Variants in VDR observed in about 807,000 individuals in gnomAD.
VDR encodes vitamin D receptor.
In VDR, 19 loss-of-function variants were observed where a neutral mutation model predicts 39.7. That is an observed-to-expected ratio of 0.48 (90% CI 0.33 to 0.70). The LOEUF (loss-of-function observed/expected upper bound fraction) is 0.70, where lower values mean the gene tolerates loss of function less well. VDR is among the 30% of genes least tolerant of loss of function. The probability of loss-of-function intolerance (pLI) is 0.02; values close to 1 mark genes in which losing one functional copy is unlikely to be tolerated. For missense variants in VDR, 442 were observed against 570.5 expected (o/e 0.77, Z 2.29); for synonymous variants, 242 against 215.8 (o/e 1.12, Z -1.07).
At chr12:47,872,396 G>A (rs1170553663) in intron 3 of VDR, among the ~76,000 whole-genome samples, 1 of 152,230 alleles carries the variant, frequency 6.6e-6, no homozygotes, top group Non-Finnish European at 1.5e-5. Context: ...GTGGGTGAAA[G>A]TAGATTTTAA....
chr12:47,883,653 T>G (rs1419990230), intron 1 of VDR, among the ~76,000 whole-genome samples: 1 of 152,050 alleles, frequency 6.6e-6, no homozygotes, highest in Non-Finnish European at 1.5e-5. Flanking sequence ...AAACACACAC[T>G]TCTTTCCTTC....
At chr12:47,866,483 C>T (rs1945739767) in intron 3 of VDR, among the ~76,000 whole-genome samples, 1 of 152,230 alleles carries the variant, frequency 6.6e-6, no homozygotes, top group Non-Finnish European at 1.5e-5. Context: ...ATGCTAGTCT[C>T]AGCATGAAGT....
At chr12:47,863,882 A>AT (rs1188123283) in intron 4 of VDR, among the ~76,000 whole-genome samples, 1 of 152,014 alleles carries the variant, frequency 6.6e-6, no homozygotes, top group Non-Finnish European at 1.5e-5. Flanking sequence ...ACAACAGATA[A>AT]TTTTTTTCCC....
intron 4 of VDR, among the ~76,000 whole-genome samples, chr12:47,864,753 G>T (rs1028309062): frequency 1.3e-5 from 2 of 152,236 alleles, no homozygotes; most frequent in Non-Finnish European, 2.9e-5. Context: ...GACTCTTGAA[G>T]GCAGTGTCCG....
chr12:47,870,461 C>T (rs574609312), intron 3 of VDR, among the ~76,000 whole-genome samples: 1 of 152,282 alleles, frequency 6.6e-6, no homozygotes, highest in Admixed American at 6.5e-5. Flanking sequence ...GGCATTTATA[C>T]CCCAGCTCAG....
At chr12:47,848,956 G>A (rs190671063) in intron 7 of VDR, among the ~76,000 whole-genome samples, 2 of 152,256 alleles carry the variant, frequency 1.3e-5, no homozygotes, top group South Asian at 2.1e-4. Flanking sequence ...CCATTGAGCC[G>A]TCAGCACAAG....
chr12:47,862,786 C>T (rs1053304804), intron 4 of VDR, among the ~76,000 whole-genome samples: 15 of 152,214 alleles, frequency 9.9e-5, no homozygotes, highest in Admixed American at 6.5e-5. Context: ...GTTCTGAGGC[C>T]GGGGGACTTC....
chr12:47,887,322 CAAAAAAA>C (rs10686139), intron 1 of VDR, among the ~76,000 whole-genome samples: 2 of 72,100 alleles, frequency 2.8e-5, no homozygotes, highest in Non-Finnish European at 5.1e-5. Flanking sequence ...AACTCCGTCT[CAAAAAAA>C]AAAAAAAAAA....
At chr12:47,904,055 C>T (rs1193504036) in intron 1 of VDR, among the ~76,000 whole-genome samples, 2 of 151,900 alleles carry the variant, frequency 1.3e-5, no homozygotes, top group Admixed American at 6.6e-5. Flanking sequence ...TGAGCCCAGA[C>T]AGGAGGCTGA....
chr12:47,850,777 C>A (rs1945369722), intron 7 of VDR, among the ~76,000 whole-genome samples: 3 of 152,126 alleles, frequency 2.0e-5, no homozygotes, highest in Non-Finnish European at 2.9e-5. Flanking sequence ...TGTCTTCACG[C>A]CTGCAGCCGC....
chr12:47,875,765 A>C (rs558596189), intron 3 of VDR, among the ~76,000 whole-genome samples: 1 of 152,320 alleles, frequency 6.6e-6, no homozygotes, highest in African/African-American at 2.4e-5. Flanking sequence ...TCTGGTCACA[A>C]AATTTTCATC....
intron 7 of VDR, among the ~76,000 whole-genome samples, chr12:47,852,298 G>A (rs1218656466): frequency 6.6e-6 from 1 of 152,154 alleles, no homozygotes; most frequent in African/African-American, 2.4e-5. Flanking sequence ...TGCCTGACAT[G>A]AGGATGGAAG....
intron 3 of VDR, among the ~76,000 whole-genome samples, chr12:47,878,418 G>A (rs868206322): frequency 2.6e-5 from 4 of 152,172 alleles, no homozygotes; most frequent in African/African-American, 7.2e-5. Context: ...AGGAATGCAG[G>A]TACATTCCTG....
rs1945587420 is a variant in VDR, at chr12:47,859,921, CTTTTTCTTTCTTTCT to C, written c.278-2248_278-2234del. On this transcript the variant is annotated intron_variant, in intron 4 of 9. Transcript: ENST00000549336. ...TCCTTCCTTCCTTCCTTCCTTCTTT[CTTTTTCTTTCTTTCT>C]TTCTTTCTTTCTTTCTTTCTTTCTT... Among the ~76,000 whole-genome samples the C allele has an allele frequency of 6.3e-3, 423 of 67,572 alleles. 7 individuals are homozygous for C. The highest frequency in any genetic ancestry group is 7.6e-3 in the Non-Finnish European group (255 of 33,412). The allele number at this position is 67,572 out of a possible 152,430, so 44.3% of individuals were successfully genotyped here.
chr12:47,897,459 T>C (rs1365591530), intron 1 of VDR, among the ~76,000 whole-genome samples: 1 of 152,194 alleles, frequency 6.6e-6, no homozygotes, highest in Non-Finnish European at 1.5e-5. Flanking sequence ...CAGAAGCACC[T>C]GCCTGCCCGG....
At chr12:47,874,210 T>C (rs960061556) in intron 3 of VDR, among the ~76,000 whole-genome samples, 4 of 152,190 alleles carry the variant, frequency 2.6e-5, no homozygotes. Flanking sequence ...ATTCACATCC[T>C]TGAATATCTG....
rs149897535 is a variant in VDR, at chr12:47,860,464, G to A, written c.278-2776C>T. Among the ~76,000 whole-genome samples, 672 of 152,272 alleles carry A rather than the reference G, an allele frequency of 4.4e-3. 5 individuals are homozygous for A. The highest frequency in any genetic ancestry group is 0.016 in the African/African-American group (649 of 41,540). ...GCTTGTCTCCTGCAATGTAGTGAAT[G>A]GCACCTGGCACACCAGAGAGCTGAG... is the stretch of plus-strand genomic sequence containing the variant. On this transcript the variant is annotated intron_variant, in intron 4 of 9. Coordinates refer to ENST00000549336, the MANE Select transcript of VDR (RefSeq NM_000376.3).
rs117768392 is a variant in VDR at position 47,891,070 on chromosome 12, C to T, written c.-83-8296G>A. On this transcript the variant is annotated intron_variant, in intron 1 of 9. Coordinates refer to ENST00000549336, the MANE Select transcript of VDR (RefSeq NM_000376.3). ...GATCTCTGAGTCACGTAGACTCTTC[C>T]GCATTGTGTCAAAGGTCAGTATTCA... 1.8e-3 allele frequency among the ~76,000 whole-genome samples: 280 copies of T among 152,274 alleles called. 1 individual carries two copies. The East Asian group carries it at 0.022, about 12-fold the overall frequency.
chr12:47,846,079 C>T (rs974809580), intron 9 of VDR, among the ~76,000 whole-genome samples: 1 of 152,226 alleles, frequency 6.6e-6, no homozygotes, highest in African/African-American at 2.4e-5. Flanking sequence ...CCCCAGGAAC[C>T]CTGCTTATCT....
Sources: allele counts gnomAD v4.1 joint callset (sites outside exome capture counted in the v4.1 genomes callset), GRCh38; gene constraint gnomAD v4.1.1; transcripts MANE v1.5; gene names NCBI Gene and HGNC (gene_info 2026-07-23, HGNC 2026-07-21).